The following FOXK2 variants were observed in gnomAD, a reference collection of about 807,000 sequenced individuals.
FOXK2 encodes forkhead box K2.
Under a neutral mutation model 53.3 loss-of-function variants are expected in FOXK2, and 24 were observed. The ratio of observed to expected loss-of-function variants is 0.45; its 90% CI spans 0.33 to 0.63. The LOEUF (loss-of-function observed/expected upper bound fraction) is 0.63, where lower values mean the gene tolerates loss of function less well. FOXK2 is among the 30% of genes least tolerant of loss of function. FOXK2 has a pLI of 0.03. For synonymous variants in FOXK2, 505 were observed against 407.1 expected (o/e 1.24, Z -2.89); for missense variants, 952 against 910.5 (o/e 1.05, Z -0.59).
intron 1 of FOXK2, among the ~76,000 whole-genome samples, chr17:82,525,921 ACTTT>A (rs1292929763): frequency 2.0e-5 from 3 of 151,270 alleles, no homozygotes; most frequent in East Asian, 1.9e-4. Context: ...TGAATCCCAC[ACTTT>A]CTTTCTTACG....
rs540318182 is a variant in FOXK2 at position 82,520,355 on chromosome 17, C to T, written c.419+48C>T. ...GGGCGGGGTCTGCGGCCTGCAGCGC[C>T]TGGCAGGACGGGACGGGACACGCGC... On this transcript the variant is annotated intron_variant, in intron 1 of 8. Transcript: ENST00000335255. The T allele has an allele frequency of 3.4e-5, 42 of 1,231,626 alleles. No homozygotes were observed. The Middle Eastern group carries it at 1.3e-3, about 37-fold the overall frequency. The allele number at this position is 1,231,626 out of a possible 1,614,324, so 76.3% of individuals were successfully genotyped here.
At chr17:82,533,013 C>G (rs1040577573) in intron 1 of FOXK2, among the ~76,000 whole-genome samples, 3 of 152,168 alleles carry the variant, frequency 2.0e-5, no homozygotes, top group African/African-American at 7.2e-5. Context: ...CCAGCAGTAT[C>G]ACTGTCTTCT....
intron 1 of FOXK2, among the ~76,000 whole-genome samples, chr17:82,525,345 T>A (rs2044407036): frequency 6.6e-6 from 1 of 151,746 alleles, no homozygotes; most frequent in Non-Finnish European, 1.5e-5. Flanking sequence ...CCTGGCTAAC[T>A]TTTTTTGCAT....
At chr17:82,601,109 T>C in intron 8 of FOXK2, 194 bp from the exon 9 acceptor site, 1 of 576,652 alleles carries the variant, frequency 1.7e-6, no homozygotes, top group Non-Finnish European at 3.0e-6. Flanking sequence ...CCTGTGCCCT[T>C]GGCCACCGTG....
At chr17:82,547,096 G>A (rs912978902) in intron 1 of FOXK2, among the ~76,000 whole-genome samples, 3 of 150,154 alleles carry the variant, frequency 2.0e-5, no homozygotes, top group Non-Finnish European at 3.0e-5. Flanking sequence ...AAAAAAGGAA[G>A]GAGAAAGAAA....
intron 1 of FOXK2, among the ~76,000 whole-genome samples, chr17:82,548,538 G>A (rs927193473): frequency 6.6e-6 from 1 of 152,140 alleles, no homozygotes; most frequent in Non-Finnish European, 1.5e-5. Flanking sequence ...GAAGTCCTTT[G>A]TGAGATAGGT....
chr17:82,586,111 T>A lies in FOXK2; in HGVS notation c.1487T>A (p.Val496Asp). 3.1e-6 allele frequency: 5 copies of A among 1,612,542 alleles called. No individual in the cohort carries two copies. The highest frequency in any genetic ancestry group is 1.7e-6 in the Non-Finnish European group (2 of 1,179,920). ...AGLAPANTYT[V>D]SGQAVVTPAA... The stretch of plus-strand genomic sequence containing the variant: ...CTGGCCCCAGCGAACACGTACACTG[T>A]CTCTGGACAAGCTGTGGTCACCCCG... Residue 496 changes from valine to aspartate, a missense_variant, in exon 7 of 9, where the codon GTC becomes GAC. By Grantham distance (152) the Val-to-Asp change is radical (BLOSUM62 -3). Around this residue, in one of 5 missense-constraint regions of FOXK2, gnomAD observed 551 missense variants for 385.1 expected, o/e 1.43. Transcript: ENST00000335255.
chr17:82,561,912 G>C (rs909831317), intron 1 of FOXK2, among the ~76,000 whole-genome samples: 46 of 152,090 alleles, frequency 3.0e-4, no homozygotes, highest in African/African-American at 1.0e-3. Context: ...TGTTGGGGGG[G>C]GGGGGTGCCC....
At chr17:82,596,175 G>T in intron 8 of FOXK2, 1 of 1,005,662 alleles carries the variant, frequency 9.9e-7, no homozygotes, top group Non-Finnish European at 1.2e-6. Context: ...GGTTTGCCCA[G>T]CTCACACCAA....
chr17:82,581,529 G>T (rs993768167), intron 4 of FOXK2, among the ~76,000 whole-genome samples: 1 of 149,480 alleles, frequency 6.7e-6, no homozygotes, highest in Non-Finnish European at 1.5e-5. Context: ...AGGCTGGAGT[G>T]CAGTGGCGCA....
chr17:82,579,158 G>A (rs1355323520), intron 4 of FOXK2, among the ~76,000 whole-genome samples: 1 of 152,110 alleles, frequency 6.6e-6, no homozygotes, highest in Non-Finnish European at 1.5e-5. Flanking sequence ...ACTGCTTGAG[G>A]GTTTTATATT....
chr17:82,563,660 G>A, intron 2 of FOXK2, 112 bp downstream of exon 2: 1 of 904,114 alleles, frequency 1.1e-6, no homozygotes. Context: ...AATGTGAGGT[G>A]GTGTTTAAAA....
intron 2 of FOXK2, among the ~76,000 whole-genome samples, chr17:82,567,786 G>A (rs2044868027): frequency 6.8e-6 from 1 of 147,154 alleles, no homozygotes; most frequent in African/African-American, 2.4e-5. Flanking sequence ...TGCCTCCCCT[G>A]AGAGCTTGTG....
chr17:82,549,376 G>C, intron 1 of FOXK2, among the ~76,000 whole-genome samples: 1 of 151,656 alleles, frequency 6.6e-6, no homozygotes, highest in Non-Finnish European at 1.5e-5. Flanking sequence ...TTACAGTACA[G>C]CAAATGGGAG....
chr17:82,521,734 A>G (rs2044363488), intron 1 of FOXK2, among the ~76,000 whole-genome samples: 1 of 141,086 alleles, frequency 7.1e-6, no homozygotes, highest in Non-Finnish European at 1.5e-5. Flanking sequence ...GGTCGAGACC[A>G]TTCTGGCTAA....
intron 1 of FOXK2, among the ~76,000 whole-genome samples, chr17:82,538,529 C>T (rs767622755): frequency 2.6e-5 from 4 of 152,198 alleles, no homozygotes; most frequent in African/African-American, 7.2e-5. Context: ...GAAAAATTAC[C>T]GTCCTCGCAT....
chr17:82,536,401 C>T (rs1014703521), intron 1 of FOXK2, among the ~76,000 whole-genome samples: 1 of 152,184 alleles, frequency 6.6e-6, no homozygotes, highest in African/African-American at 2.4e-5. Context: ...AGATTCTTCT[C>T]CTTTCCTTGG....
At chr17:82,549,947 A>G (rs2044660445) in intron 1 of FOXK2, among the ~76,000 whole-genome samples, 3 of 152,216 alleles carry the variant, frequency 2.0e-5, no homozygotes, top group Admixed American at 1.3e-4. Context: ...TCATGCCTGT[A>G]ATGCCAGCAC....
At chr17:82,558,555 G>T (rs1167456896) in intron 1 of FOXK2, among the ~76,000 whole-genome samples, 1 of 152,202 alleles carries the variant, frequency 6.6e-6, no homozygotes, top group Non-Finnish European at 1.5e-5. Flanking sequence ...CAGGGCTACT[G>T]CCCCCACAGG....
Sources: allele counts gnomAD v4.1 joint callset (sites outside exome capture counted in the v4.1 genomes callset), GRCh38; gene constraint gnomAD v4.1.1; regional missense constraint gnomAD v4.1.1; transcripts MANE v1.5; gene names NCBI Gene and HGNC (gene_info 2026-07-23, HGNC 2026-07-21).